The following PROKR2 variants were observed in gnomAD, a reference collection of about 807,000 sequenced individuals.
The protein encoded by PROKR2 is G protein-coupled receptor 73-like 1.
A neutral mutation model predicts 23.4 loss-of-function variants in PROKR2; 26 were observed. The ratio of observed to expected loss-of-function variants is 1.11; its 90% confidence interval spans 0.81 to 1.54. PROKR2 has a LOEUF of 1.54. Among genes scored for constraint, PROKR2 ranks in the 40% most tolerant of loss-of-function variants. The pLI is 0.00. For missense variants in PROKR2, 453 were observed against 511.5 expected, an observed-to-expected ratio of 0.89 and a Z score of 1.10; for synonymous variants, 212 against 201.2, an observed-to-expected ratio of 1.05 and a Z score of -0.45.
Position 5,301,627 on chromosome 20 carries a change from T to A in PROKR2, c.*413A>T, listed in dbSNP as rs1469690641. Among the ~76,000 whole-genome samples, 1 of 152,248 alleles carries A rather than the reference T, an allele frequency of 6.6e-6. No homozygotes were observed. Among genetic ancestry groups the A allele is most frequent in the African/African-American group, 2.4e-5 (1 of 41,474 alleles). The stretch of plus-strand genomic sequence containing the variant: ...TCTGGAGATAGCTTGGAAACTCCAA[T>A]AGCTTCTGCTACTTTGTTATGTTTT... On this transcript the variant is annotated 3_prime_UTR_variant, in exon 3 of 3. Coordinates refer to ENST00000678254, the MANE Select transcript of PROKR2 (RefSeq NM_144773.4).
intron 2 of PROKR2, among the ~76,000 whole-genome samples, chr20:5,305,024 C>A (rs2122209011): frequency 6.6e-6 from 1 of 152,112 alleles, no homozygotes; most frequent in Middle Eastern, 3.4e-3. Context: ...CATGGTCATA[C>A]TAAAAAAGAA....
chr20:5,300,611 A>G lies in PROKR2; in HGVS notation c.*1429T>C, dbSNP rs1978949242. Among the ~76,000 whole-genome samples the G allele has an allele frequency of 6.6e-6, 1 of 152,202 alleles. No homozygotes were observed. The highest frequency in any genetic ancestry group is 2.4e-5 in the African/African-American group (1 of 41,446). On this transcript the variant is annotated 3_prime_UTR_variant, in exon 3 of 3. Transcript: ENST00000678254. ...GTCTTGCAAGGTATGAAGAGCGGAT[A>G]TTTTCATCATCGCCATTTCATTAAA...
intron 1 of PROKR2, among the ~76,000 whole-genome samples, chr20:5,315,071 CT>C (rs1979610982): frequency 6.6e-6 from 1 of 152,060 alleles, no homozygotes; most frequent in Non-Finnish European, 1.5e-5. Flanking sequence ...CCTAATCTTC[CT>C]GTAAACCAAA....
In PROKR2 at chr20:5,302,312, T is replaced by C. The variant is rs754639802; in HGVS notation, c.883A>G (p.Thr295Ala). 2 of 1,614,060 alleles carry C rather than the reference T, an allele frequency of 1.2e-6. No individual in the cohort carries two copies. The highest frequency in any genetic ancestry group is 1.7e-6 in the Non-Finnish European group (2 of 1,180,038). Residue 295 changes from threonine (T) to alanine (A), a missense_variant, in exon 3 of 3, where the codon ACC (threonine) becomes GCC (alanine). By Grantham distance (58) the Thr-to-Ala change is moderately conservative. Transcript: ENST00000678254. ...VLCWAPFYGF[T>A]IVRDFFPTVF... ...GTGGGGAAGAAGTCACGAACGATGG[T>C]GAAACCGTAGAAGGGTGCCCAGCAC...
At chr20:5,309,996 C>T (rs1178485918) in intron 2 of PROKR2, among the ~76,000 whole-genome samples, 2 of 152,134 alleles carry the variant, frequency 1.3e-5, no homozygotes, top group Non-Finnish European at 2.9e-5. Context: ...AGCTGTGTAC[C>T]TGGACTCAAA....
intron 2 of PROKR2, among the ~76,000 whole-genome samples, chr20:5,304,288 C>G (rs551628731): frequency 3.9e-5 from 6 of 152,136 alleles, no homozygotes; most frequent in Non-Finnish European, 8.8e-5. Context: ...AATATTATAG[C>G]TACATTTGAG....
chr20:5,304,843 G>T (rs942711460), intron 2 of PROKR2, among the ~76,000 whole-genome samples: 1 of 152,180 alleles, frequency 6.6e-6, no homozygotes, highest in Non-Finnish European at 1.5e-5. Flanking sequence ...CGATTGCCAG[G>T]CTGCTCTGCG....
Position 5,302,576 on chromosome 20 carries a change from A to T in PROKR2, c.619T>A (p.Phe207Ile), listed in dbSNP as rs1038579531. The T allele has an allele frequency of 6.2e-7, 1 of 1,614,074 alleles. No homozygotes were observed. The highest frequency in any genetic ancestry group is 8.5e-7 in the Non-Finnish European group (1 of 1,180,042). ...LFIVKSQEKI[F>I]CGQIWPVDQQ... is the part of the protein sequence containing the mutation. The stretch of plus-strand genomic sequence containing the variant: ...TCCACAGGCCAGATCTGGCCACAGA[A>T]GATCTTCTCCTGGCTCTTGACAATA... Residue 207 changes from phenylalanine (F) to isoleucine (I), a missense_variant, in exon 3 of 3, where the codon TTC (phenylalanine) becomes ATC (isoleucine). Coordinates refer to ENST00000678254, the MANE Select transcript of PROKR2 (RefSeq NM_144773.4).
intron 2 of PROKR2, among the ~76,000 whole-genome samples, chr20:5,309,301 G>T (rs1257718186): frequency 1.3e-5 from 2 of 152,214 alleles, no homozygotes; most frequent in Non-Finnish European, 2.9e-5. Context: ...TTGGAGGTCA[G>T]AAGTTTGACA....
In PROKR2 at chr20:5,302,304, A is replaced by T. The variant is rs1341614268; in HGVS notation, c.891T>A (p.Val297=). Residue 297 remains valine, a synonymous_variant, in exon 3 of 3, where the codon GTT becomes GTA. Transcript: ENST00000678254. ...CGAACACAGTGGGGAAGAAGTCACG[A>T]ACGATGGTGAAACCGTAGAAGGGTG... is the stretch of plus-strand genomic sequence containing the variant. The part of the protein sequence containing the change: ...CWAPFYGFTI[V]RDFFPTVFVK... 2 of 1,614,144 alleles carry T rather than the reference A, an allele frequency of 1.2e-6. No individual in the cohort carries two copies. Among genetic ancestry groups the T allele is most frequent in the Non-Finnish European group, 1.7e-6 (2 of 1,180,058 alleles).
intron 1 of PROKR2, among the ~76,000 whole-genome samples, chr20:5,315,235 G>GAATTCCATGCAAAAAA (rs1330572086): frequency 4.7e-5 from 7 of 150,060 alleles, no homozygotes; most frequent in Non-Finnish European, 1.0e-4. Context: ...ACCAGCTCCA[G>GAATTCCATGCAAAAAA]AAAGAAATCC....
intron 2 of PROKR2, among the ~76,000 whole-genome samples, chr20:5,311,090 C>T (rs1284072781): frequency 6.6e-6 from 1 of 152,182 alleles, no homozygotes; most frequent in Non-Finnish European, 1.5e-5. Flanking sequence ...GAAGATCCAT[C>T]AATGATGATA....
intron 2 of PROKR2, among the ~76,000 whole-genome samples, chr20:5,313,148 G>A (rs1174666848): frequency 5.4e-5 from 2 of 36,942 alleles, no homozygotes; most frequent in African/African-American, 3.2e-4. Context: ...CAATTATTAT[G>A]TGTCAATTAA....
Position 5,299,399 on chromosome 20 carries a change from CA to C in PROKR2, c.*2640del, listed in dbSNP as rs899118496. Among the ~76,000 whole-genome samples the C allele has an allele frequency of 1.7e-4, 26 of 152,090 alleles. No homozygotes were observed. Among genetic ancestry groups the C allele is most frequent in the African/African-American group, 5.6e-4 (23 of 41,430 alleles). On this transcript the variant is annotated 3_prime_UTR_variant, in exon 3 of 3. Transcript: ENST00000678254. ...ATCCTGCTGACAGACTTGACTGGTACATGGTCCATTCCTAAAGAATCTCCTG... is the reference window on the plus strand; with the variant it reads ...ATCCTGCTGACAGACTTGACTGGTACTGGTCCATTCCTAAAGAATCTCCTG...
Position 5,302,529 on chromosome 20 carries a change from G to C in PROKR2, c.666C>G (p.Ser222=). 6.2e-7 allele frequency: 1 copy of C among 1,614,226 alleles called. No individual in the cohort carries two copies. The part of the protein sequence containing the change: ...WPVDQQLYYK[S]YFLFIFGVEF... Reference sequence around the variant, plus strand: ...CGACACCAAAGATGAAGAGGAAGTAGGACTTGTAGTAGAGCTGCTGATCCA... The same window carrying C: ...CGACACCAAAGATGAAGAGGAAGTACGACTTGTAGTAGAGCTGCTGATCCA... The change falls in exon 3 of 3, where the codon TCC becomes TCG. Residue 222 remains serine (S), a synonymous_variant. Coordinates refer to ENST00000678254, the MANE Select transcript of PROKR2 (RefSeq NM_144773.4).
chr20:5,314,315 C>T lies in PROKR2; in HGVS notation c.55G>A (p.Asp19Asn), dbSNP rs146062524. 1.9e-6 allele frequency: 3 copies of T among 1,613,964 alleles called. No individual in the cohort carries two copies. The African/African-American group carries it at 4.0e-5, about 22-fold the overall frequency. The change falls in exon 2 of 3, where the codon GAC becomes AAC. Residue 19 changes from aspartate (D) to asparagine (N), a missense_variant. By Grantham distance (23) the Asp-to-Asn change is conservative. Coordinates refer to ENST00000678254, the MANE Select transcript of PROKR2 (RefSeq NM_144773.4). ...SFTPNFNPPQDHASSLSFNFS... is the reference protein window; with the variant it reads ...SFTPNFNPPQNHASSLSFNFS... ...TTAAAGGAGAGGGAGGAGGCATGGTCTTGGGGTGGATTAAAGTTGGGTGTG... is the reference window on the plus strand; with the variant it reads ...TTAAAGGAGAGGGAGGAGGCATGGTTTTGGGGTGGATTAAAGTTGGGTGTG...
intron 2 of PROKR2, among the ~76,000 whole-genome samples, chr20:5,306,596 T>A (rs1979228046): frequency 6.6e-6 from 1 of 152,254 alleles, no homozygotes; most frequent in Admixed American, 6.5e-5. Context: ...CCAGACGCCC[T>A]ATACTTCAGC....
Position 5,302,231 on chromosome 20 carries a change from C to T in PROKR2, c.964G>A (p.Ala322Thr), listed in dbSNP as rs779869864. 24 of 1,614,202 alleles carry T rather than the reference C, an allele frequency of 1.5e-5. No individual in the cohort carries two copies. The highest frequency in any genetic ancestry group is 1.2e-4 in the South Asian group (11 of 91,072). Residue 322 changes from alanine to threonine, a missense_variant, in exon 3 of 3, where the codon GCC becomes ACC. Ala to Thr is a moderately conservative substitution (Grantham distance 58). Transcript: ENST00000678254. ...LTAFYVVECI[A>T]MSNSMINTVC... ...GTGTTGATCATGCTGTTGCTCATGG[C>T]GATGCACTCGACCACGTAGAAGGCA...
rs1274312769 is a variant in PROKR2, at chr20:5,316,179, A to T, written c.-9+315T>A. ...GCTGTTTCCTGCTCACCTTTCAGGA[A>T]GGTGCCCCTCTACCTGCACCCTCCC... On this transcript the variant is annotated intron_variant, in intron 1 of 2. Coordinates refer to ENST00000678254, the MANE Select transcript of PROKR2 (RefSeq NM_144773.4). The surrounding 1 kb of genome is among the most constrained non-coding windows in gnomAD (Gnocchi z 5.0). The T allele has an allele frequency of 2.2e-6, 1 of 456,620 alleles. No homozygotes were observed. Among genetic ancestry groups the T allele is most frequent in the Non-Finnish European group, 4.4e-6 (1 of 226,946 alleles). The allele number at this position is 456,620 out of a possible 1,614,324, so 28.3% of individuals were successfully genotyped here. A position where few individuals can be genotyped will look rare whatever the true frequency, so the allele number is the denominator to read the frequency against.
Sources: gnomAD v4.1 joint callset for allele counts (sites outside exome capture counted in the v4.1 genomes callset) on GRCh38, gnomAD v4.1.1 for gene constraint, Gnocchi (gnomAD v3.1) non-coding constraint, MANE v1.5 for transcripts, NCBI Gene and HGNC (gene_info 2026-07-23, HGNC 2026-07-21) for gene names.